The following DACH2 variants were observed in gnomAD, a reference collection of about 807,000 sequenced individuals.
The protein encoded by DACH2 is dachshund homolog 2.
Under a neutral mutation model 35.8 loss-of-function variants are expected in DACH2, and 17 were observed. The observed-to-expected ratio is 0.48, with a 90% CI of 0.33 to 0.71. DACH2 has a LOEUF of 0.71. Ranked by LOEUF, DACH2 falls within the 30% of genes least tolerant of loss-of-function variation. The pLI, the probability that DACH2 is intolerant of heterozygous loss-of-function variation, is 0.02. For synonymous variants in DACH2, 195 were observed against 177.3 expected, an observed-to-expected ratio of 1.10 and a Z score of -0.79; for missense variants, 469 against 472.7, an observed-to-expected ratio of 0.99 and a Z score of 0.07.
chrX:86,210,277 A>G (rs2032414253), intron 1 of DACH2, among the ~76,000 whole-genome samples: 1 of 111,927 alleles, frequency 8.9e-6, no homozygotes, highest in South Asian at 3.7e-4. Context: ...CAAAAGCATG[A>G]TTACTATCTC....
chrX:86,414,593 G>T (rs1293330617), intron 2 of DACH2, among the ~76,000 whole-genome samples: 4 of 111,060 alleles, frequency 3.6e-5, no homozygotes, highest in Non-Finnish European at 7.5e-5. Flanking sequence ...TTGGTCAAGG[G>T]TATATCTTTT....
At chrX:86,754,167 G>C (rs2041804315) in intron 7 of DACH2, among the ~76,000 whole-genome samples, 2 of 111,273 alleles carry the variant, frequency 1.8e-5, no homozygotes. Flanking sequence ...ATAATTGTTA[G>C]AAATAAATTA....
chrX:86,414,796 T>A (rs974034184), intron 2 of DACH2, among the ~76,000 whole-genome samples: 30 of 111,632 alleles, frequency 2.7e-4, no homozygotes, highest in African/African-American at 9.4e-4. Context: ...ACCTTTTTTT[T>A]AAACTCCCTC....
intron 1 of DACH2, among the ~76,000 whole-genome samples, chrX:86,157,205 T>G (rs2030575168): frequency 1.8e-5 from 2 of 111,633 alleles, no homozygotes; most frequent in African/African-American, 6.5e-5. Context: ...AATATTTTTA[T>G]TTTTAAACAA....
intron 1 of DACH2, among the ~76,000 whole-genome samples, chrX:86,258,706 G>A (rs2033570648): frequency 9.0e-6 from 1 of 111,436 alleles, no homozygotes; most frequent in South Asian, 3.7e-4. Flanking sequence ...ACATTTTCCA[G>A]TATATATATT....
intron 1 of DACH2, among the ~76,000 whole-genome samples, chrX:86,303,365 G>A (rs953876218): frequency 6.4e-5 from 7 of 109,920 alleles, no homozygotes; most frequent in Non-Finnish European, 9.5e-5. Context: ...AGAGCTTTCC[G>A]TTTCCATTTG....
At chrX:86,584,453 T>C (rs1294394205) in intron 3 of DACH2, among the ~76,000 whole-genome samples, 1 of 111,399 alleles carries the variant, frequency 9.0e-6, no homozygotes, top group East Asian at 2.8e-4. Context: ...TGTTTTTATA[T>C]GTTCTGCTTA....
At chrX:86,572,060 A>C (rs925172925) in intron 3 of DACH2, among the ~76,000 whole-genome samples, 1 of 111,226 alleles carries the variant, frequency 9.0e-6, no homozygotes, top group African/African-American at 3.3e-5. Context: ...ACTTGGACAC[A>C]GAAAGCGGAA....
At chrX:86,780,694 A>G (rs934569546) in intron 7 of DACH2, among the ~76,000 whole-genome samples, 2 of 111,551 alleles carry the variant, frequency 1.8e-5, no homozygotes, top group African/African-American at 6.5e-5. Flanking sequence ...TATAAATTAG[A>G]AAACCCAAGC....
chrX:86,560,600 C>T (rs1229713453), intron 3 of DACH2, among the ~76,000 whole-genome samples: 1 of 94,873 alleles, frequency 1.1e-5, no homozygotes, highest in African/African-American at 3.9e-5. Flanking sequence ...TGCCGCATAT[C>T]TACAACTATC....
chrX:86,176,882 G>A (rs1249696069), intron 1 of DACH2, among the ~76,000 whole-genome samples: 1 of 112,108 alleles, frequency 8.9e-6, no homozygotes. Context: ...TACTGGCAAT[G>A]TTATTGGTGT....
chrX:86,257,517 C>G (rs1358809868), intron 1 of DACH2, among the ~76,000 whole-genome samples: 1 of 111,630 alleles, frequency 9.0e-6, no homozygotes, highest in African/African-American at 3.2e-5. Context: ...AAGCCATCCT[C>G]CTGCCTCAGC....
At chrX:86,387,092 T>C (rs1470295372) in intron 2 of DACH2, among the ~76,000 whole-genome samples, 8 of 111,546 alleles carry the variant, frequency 7.2e-5, no homozygotes, top group South Asian at 3.7e-4. Context: ...TTTAGAAATA[T>C]GCTATGTAAC....
At chrX:86,592,798 G>T (rs946293472) in intron 3 of DACH2, among the ~76,000 whole-genome samples, 1 of 111,693 alleles carries the variant, frequency 9.0e-6, no homozygotes, top group African/African-American at 3.2e-5. Context: ...AGGAAGGTTT[G>T]TTTTCAAGTT....
intron 1 of DACH2, among the ~76,000 whole-genome samples, chrX:86,177,571 A>G (rs1014843017): frequency 9.0e-6 from 1 of 111,673 alleles, no homozygotes; most frequent in Non-Finnish European, 1.9e-5. Context: ...CTGATTACCT[A>G]GGAAACAAAT....
rs1027819686 is a variant in DACH2, at chrX:86,281,200, C to T, written c.489-95624C>T. Among the ~76,000 whole-genome samples the T allele has an allele frequency of 2.7e-5, 3 of 110,490 alleles. No homozygotes were observed. The East Asian group carries it at 8.5e-4, about 31-fold the overall frequency. ...CTAAAATTGAACACATACACAAACA[C>T]ACAAAATTTCAGGCCAATATCCCTG... On this transcript the variant is annotated intron_variant, in intron 1 of 11. Coordinates refer to ENST00000373125, the MANE Select transcript of DACH2 (RefSeq NM_053281.3).
At chrX:86,187,915 T>G (rs945694001) in intron 1 of DACH2, among the ~76,000 whole-genome samples, 3 of 111,726 alleles carry the variant, frequency 2.7e-5, no homozygotes, top group African/African-American at 9.8e-5. Context: ...ATAAAGGAAA[T>G]AATAATGAAA....
chrX:86,189,292 G>T (rs242872), intron 1 of DACH2, among the ~76,000 whole-genome samples: 7,629 of 111,329 alleles, frequency 0.069, 631 homozygotes, highest in African/African-American at 0.24. Context: ...AGTGCAGTAG[G>T]CCATCCACAT....
intron 6 of DACH2, among the ~76,000 whole-genome samples, chrX:86,721,512 A>C (rs1329513548): frequency 1.8e-5 from 2 of 111,637 alleles, no homozygotes; most frequent in Non-Finnish European, 3.8e-5. Flanking sequence ...TTTATTGTGC[A>C]TATCACTGTC....
Sources: gnomAD v4.1 joint callset for allele counts (sites outside exome capture counted in the v4.1 genomes callset) on GRCh38, gnomAD v4.1.1 for gene constraint, MANE v1.5 for transcripts, NCBI Gene and HGNC (gene_info 2026-07-23, HGNC 2026-07-21) for gene names.